The following DDAH1 variants were observed in gnomAD, a reference collection of about 807,000 sequenced individuals.
DDAH1 encodes the protein N(G),N(G)-dimethylarginine dimethylaminohydrolase 1.
A neutral mutation model predicts 28.8 loss-of-function variants in DDAH1; 19 were observed. The observed-to-expected ratio is 0.66, with a 90% CI of 0.46 to 0.97. The LOEUF (loss-of-function observed/expected upper bound fraction) is 0.97, where lower values mean the gene tolerates loss of function less well. Ranked by LOEUF, DDAH1 falls within the 50% of genes least tolerant of loss-of-function variation. The probability of loss-of-function intolerance (pLI) is 0.00; values close to 1 mark genes in which losing one functional copy is unlikely to be tolerated. For missense variants in DDAH1, 326 were observed against 375.9 expected (o/e 0.87, Z 1.10); for synonymous variants, 153 against 154.4 (o/e 0.99, Z 0.07).
At chr1:85,338,058 G>A in intron 4 of DDAH1, among the ~76,000 whole-genome samples, 1 of 152,174 alleles carries the variant, frequency 6.6e-6, no homozygotes, top group Non-Finnish European at 1.5e-5. Flanking sequence ...AGAGATCTGG[G>A]TTTCCTTCCT....
intron 2 of DDAH1, among the ~76,000 whole-genome samples, chr1:85,477,948 C>T (rs1315347958): frequency 3.9e-5 from 6 of 151,942 alleles, no homozygotes; most frequent in African/African-American, 9.7e-5. Context: ...ATATATTAAA[C>T]ATAATTGCAA....
chr1:85,469,038 T>C (rs1447140449), upstream of DDAH1, among the ~76,000 whole-genome samples: 2 of 152,132 alleles, frequency 1.3e-5, no homozygotes, highest in Non-Finnish European at 2.9e-5. Flanking sequence ...AGAAAGAACA[T>C]ACAGCCACCA....
intron 1 of DDAH1, among the ~76,000 whole-genome samples, chr1:85,574,459 A>G (rs1347930150): frequency 6.6e-6 from 1 of 152,184 alleles, no homozygotes; most frequent in Non-Finnish European, 1.5e-5. Context: ...ACTGATTGTT[A>G]TGCCCAGTCA....
intron 1 of DDAH1, among the ~76,000 whole-genome samples, chr1:85,428,643 T>C (rs750109271): frequency 1.2e-4 from 19 of 152,086 alleles, no homozygotes; most frequent in Non-Finnish European, 2.4e-4. Flanking sequence ...GAGAAGGCAG[T>C]GGAAATGGTC....
At chr1:85,519,972 C>CTTTA (rs1553145018) in intron 1 of DDAH1, among the ~76,000 whole-genome samples, 2,986 of 150,700 alleles carry the variant, frequency 0.02, 60 homozygotes, top group African/African-American at 0.049. Context: ...TTTTTTTCCC[C>CTTTA]TTTATTTATT....
At chr1:85,324,562 T>C (rs1424451786) in intron 5 of DDAH1, among the ~76,000 whole-genome samples, 178 bp downstream of exon 5, 1 of 152,080 alleles carries the variant, frequency 6.6e-6, no homozygotes, top group East Asian at 1.9e-4. Flanking sequence ...TAGTGAGCAA[T>C]GACATGAATG....
chr1:85,378,398 T>C (rs1650796646), intron 1 of DDAH1, among the ~76,000 whole-genome samples: 1 of 152,056 alleles, frequency 6.6e-6, no homozygotes, highest in Non-Finnish European at 1.5e-5. Flanking sequence ...GAACCTGGGA[T>C]TTTTAATTTT....
intron 1 of DDAH1, chr1:85,521,674 A>G (rs1378194147): frequency 9.1e-6 from 9 of 984,502 alleles, no homozygotes; most frequent in Non-Finnish European, 1.1e-5. Context: ...CTGCCTGGCA[A>G]ATTCCTTCTC....
intron 1 of DDAH1, among the ~76,000 whole-genome samples, chr1:85,536,986 C>CATATATATATATATATATATATATAT (rs1557738474): frequency 3.3e-5 from 1 of 30,402 alleles, no homozygotes; most frequent in Non-Finnish European, 6.1e-5. Context: ...TATATATATA[C>CATATATATATATATATATATATATAT]GTATATACAT....
chr1:85,355,626 T>C (rs2100851881), intron 2 of DDAH1, among the ~76,000 whole-genome samples: 1 of 152,320 alleles, frequency 6.6e-6, no homozygotes, highest in South Asian at 2.1e-4. Flanking sequence ...GTTTACTCTA[T>C]CACCTGAAAT....
intron 2 of DDAH1, among the ~76,000 whole-genome samples, chr1:85,355,761 A>G (rs769921754): frequency 6.6e-6 from 1 of 152,194 alleles, no homozygotes; most frequent in Admixed American, 6.6e-5. Context: ...ACACATCAGT[A>G]GTAAAATTAA....
At chr1:85,484,361 C>A (rs1006170694) in intron 2 of DDAH1, among the ~76,000 whole-genome samples, 2 of 151,956 alleles carry the variant, frequency 1.3e-5, no homozygotes, top group African/African-American at 2.4e-5. Context: ...ATATCGCATA[C>A]CACTGAGGGC....
intron 1 of DDAH1, among the ~76,000 whole-genome samples, chr1:85,359,400 G>A (rs1433535154): frequency 6.6e-6 from 1 of 152,192 alleles, no homozygotes; most frequent in African/African-American, 2.4e-5. Context: ...ACTATTGGAG[G>A]CTGACTAGTT....
chr1:85,421,124 C>T (rs1653124016), intron 1 of DDAH1, among the ~76,000 whole-genome samples: 1 of 152,170 alleles, frequency 6.6e-6, no homozygotes, highest in Non-Finnish European at 1.5e-5. Flanking sequence ...GGAGATGGTG[C>T]TAAACCATTC....
chr1:85,376,977 C>T (rs1252228525), intron 1 of DDAH1: 1 of 152,058 alleles, frequency 6.6e-6, no homozygotes, highest in Non-Finnish European at 1.5e-5. Flanking sequence ...AAGTGATCAC[C>T]TAATGTATGT....
At chr1:85,567,365 G>A (rs545180505) in intron 1 of DDAH1, among the ~76,000 whole-genome samples, 10 of 152,260 alleles carry the variant, frequency 6.6e-5, no homozygotes, top group East Asian at 3.9e-4. Context: ...TCATGGGGGC[G>A]GGTATTTCCC....
intron 1 of DDAH1, among the ~76,000 whole-genome samples, chr1:85,506,645 G>C (rs1657029051): frequency 6.6e-6 from 1 of 152,174 alleles, no homozygotes. Context: ...TAGGCTATGA[G>C]GCAGTAGGAG....
chr1:85,365,160 A>C (rs974722940), intron 1 of DDAH1, among the ~76,000 whole-genome samples: 2 of 152,182 alleles, frequency 1.3e-5, no homozygotes, highest in African/African-American at 4.8e-5. Flanking sequence ...AGAGTAAGTA[A>C]ATTTGATCAA....
intron 1 of DDAH1, among the ~76,000 whole-genome samples, chr1:85,426,392 A>C (rs1234097400): frequency 6.6e-6 from 1 of 152,200 alleles, no homozygotes; most frequent in Non-Finnish European, 1.5e-5. Context: ...ATATGTCATT[A>C]TGTAGCAAGT....
Sources: gnomAD v4.1 joint callset for allele counts (sites outside exome capture counted in the v4.1 genomes callset) on GRCh38, gnomAD v4.1.1 for gene constraint, MANE v1.5 for transcripts, NCBI Gene and HGNC (gene_info 2026-07-23, HGNC 2026-07-21) for gene names.